UNC13C: variants seen among roughly 807,000 people sequenced by gnomAD.
The protein encoded by UNC13C is protein unc-13 homolog C.
A neutral mutation model predicts 245.4 loss-of-function variants in UNC13C; 174 were observed. The observed-to-expected ratio is 0.71, with a 90% confidence interval of 0.63 to 0.80. The LOEUF is 0.80. Among genes scored for constraint, UNC13C ranks in the 30% least tolerant of loss-of-function variants. The probability of loss-of-function intolerance (pLI) is 0.00; values close to 1 mark genes in which losing one functional copy is unlikely to be tolerated. For missense variants in UNC13C, 2,829 were observed against 2,602.9 expected, an observed-to-expected ratio of 1.09 and a Z score of -1.89; for synonymous variants, 992 against 895.1, an observed-to-expected ratio of 1.11 and a Z score of -1.93.
the UNC13C span, among the ~76,000 whole-genome samples, chr15:53,878,629 A>G: frequency 2.6e-5 from 4 of 152,070 alleles, no homozygotes; most frequent in Non-Finnish European, 2.9e-5. Context: ...CTGTTTGTCT[A>G]CTTTTGGGCT....
At chr15:54,139,820 C>T (rs577920822) in intron 2 of UNC13C, among the ~76,000 whole-genome samples, 1 of 152,078 alleles carries the variant, frequency 6.6e-6, no homozygotes, top group Admixed American at 6.5e-5. Context: ...GTCTTTCTTC[C>T]TTTAACTATT....
At chr15:54,251,460 C>G (rs1285411974) in intron 8 of UNC13C, among the ~76,000 whole-genome samples, 1 of 152,170 alleles carries the variant, frequency 6.6e-6, no homozygotes, top group Non-Finnish European at 1.5e-5. Flanking sequence ...TATTAATGAC[C>G]TTTCCATCCT....
intron 19 of UNC13C, among the ~76,000 whole-genome samples, chr15:54,450,022 G>A (rs957062729): frequency 1.3e-5 from 2 of 152,208 alleles, no homozygotes; most frequent in African/African-American, 4.8e-5. Context: ...GTCTGTTGGA[G>A]TTTGCTGGAG....
chr15:54,172,447 G>C (rs1168760211), intron 4 of UNC13C, among the ~76,000 whole-genome samples: 2 of 151,514 alleles, frequency 1.3e-5, no homozygotes, highest in African/African-American at 4.8e-5. Flanking sequence ...AGGTAATACA[G>C]TAAGGATTCT....
At chr15:54,361,542 A>G (rs1476916380) in intron 17 of UNC13C, among the ~76,000 whole-genome samples, 1 of 152,172 alleles carries the variant, frequency 6.6e-6, no homozygotes, top group Non-Finnish European at 1.5e-5. Flanking sequence ...TGGTGATGTC[A>G]TATTTCCCTG....
At chr15:54,059,063 G>T (rs2141071264) in intron 2 of UNC13C, among the ~76,000 whole-genome samples, 1 of 152,276 alleles carries the variant, frequency 6.6e-6, no homozygotes, top group South Asian at 2.1e-4. Flanking sequence ...AGACAGGGAT[G>T]CCCTCTCTTT....
intron 19 of UNC13C, among the ~76,000 whole-genome samples, chr15:54,452,600 G>A (rs1001804385): frequency 6.6e-6 from 1 of 152,198 alleles, no homozygotes; most frequent in African/African-American, 2.4e-5. Flanking sequence ...GTTGGAGAAA[G>A]CCAGGTTGGG....
At chr15:54,064,915 G>A (rs1898006370) in intron 2 of UNC13C, among the ~76,000 whole-genome samples, 1 of 152,196 alleles carries the variant, frequency 6.6e-6, no homozygotes, top group African/African-American at 2.4e-5. Context: ...AAAGATGAGA[G>A]TACTTGAGAA....
At chr15:54,048,511 C>A (rs1055609457) in intron 2 of UNC13C, 1 of 579,968 alleles carries the variant, frequency 1.7e-6, no homozygotes, top group Non-Finnish European at 3.3e-6. Flanking sequence ...TTCCACTAAA[C>A]CTTAGTATGT....
intron 2 of UNC13C, among the ~76,000 whole-genome samples, chr15:54,085,094 T>C (rs1475823528): frequency 1.3e-5 from 2 of 152,084 alleles, no homozygotes; most frequent in Non-Finnish European, 2.9e-5. Flanking sequence ...GCTAACAGTA[T>C]TGGTAGAAGA....
the UNC13C span, among the ~76,000 whole-genome samples, chr15:53,940,144 G>A: frequency 5.5e-4 from 83 of 152,248 alleles, no homozygotes; most frequent in African/African-American, 2.0e-3. Flanking sequence ...CTTCACCATG[G>A]CACTTAGATA....
At chr15:53,843,299 T>C in the UNC13C span, among the ~76,000 whole-genome samples, 2 of 151,968 alleles carry the variant, frequency 1.3e-5, no homozygotes, top group Non-Finnish European at 2.9e-5. Context: ...CTGCAAAAAT[T>C]ATCCAGGCAT....
At chr15:54,098,177 T>C (rs1160419714) in intron 2 of UNC13C, among the ~76,000 whole-genome samples, 1 of 152,052 alleles carries the variant, frequency 6.6e-6, no homozygotes, top group Non-Finnish European at 1.5e-5. Flanking sequence ...GTTTTTATTT[T>C]ATTTTATTTT....
chr15:54,274,872 A>G (rs1310049280), intron 10 of UNC13C, among the ~76,000 whole-genome samples: 1 of 151,922 alleles, frequency 6.6e-6, no homozygotes, highest in African/African-American at 2.4e-5. Context: ...GGGTTTCACC[A>G]TGTTAGCCAG....
chr15:54,225,196 T>A (rs1410384714), intron 4 of UNC13C, among the ~76,000 whole-genome samples: 1 of 151,966 alleles, frequency 6.6e-6, no homozygotes, highest in African/African-American at 2.4e-5. Flanking sequence ...AGTACCATGC[T>A]GTTTTAGTTA....
chr15:54,271,854 G>A (rs922296005), intron 10 of UNC13C, among the ~76,000 whole-genome samples: 2 of 152,280 alleles, frequency 1.3e-5, no homozygotes, highest in Middle Eastern at 3.4e-3. Context: ...AGTATTCTAC[G>A]TATGTAACCG....
intron 11 of UNC13C, among the ~76,000 whole-genome samples, chr15:54,296,378 TTTTTA>T (rs372323196): frequency 0.14 from 16,361 of 117,696 alleles, 932 homozygotes; most frequent in African/African-American, 0.23. Context: ...TTTTTTTTTT[TTTTTA>T]TTTTTTTTTA....
At chr15:53,921,624 TTATGACAGTCTTTC>T in the UNC13C span, among the ~76,000 whole-genome samples, 1 of 152,226 alleles carries the variant, frequency 6.6e-6, no homozygotes, top group African/African-American at 2.4e-5. Context: ...TTACAGCTAT[TTATGACAGTCTTTC>T]TTGAGCTGTT....
At chr15:54,447,905 G>A (rs1296609418) in intron 19 of UNC13C, among the ~76,000 whole-genome samples, 1 of 152,166 alleles carries the variant, frequency 6.6e-6, no homozygotes, top group Non-Finnish European at 1.5e-5. Flanking sequence ...TCTCTTGTGA[G>A]CATTTAGTGG....
Sources: gnomAD v4.1 joint callset for allele counts (sites outside exome capture counted in the v4.1 genomes callset) on GRCh38, gnomAD v4.1.1 for gene constraint, MANE v1.5 for transcripts, NCBI Gene and HGNC (gene_info 2026-07-23, HGNC 2026-07-21) for gene names.